The following ZDHHC17 variants were observed in gnomAD, a reference collection of about 807,000 sequenced individuals.
ZDHHC17 encodes palmitoyltransferase ZDHHC17.
Under a neutral mutation model 90.3 loss-of-function variants are expected in ZDHHC17, and 40 were observed. The ratio of observed to expected loss-of-function variants is 0.44; its 90% CI spans 0.34 to 0.58. ZDHHC17 has a LOEUF of 0.58. Among genes scored for constraint, ZDHHC17 ranks in the 20% least tolerant of loss-of-function variants. ZDHHC17 has a pLI of 0.01. For missense variants in ZDHHC17, 614 were observed against 780.8 expected (o/e 0.79, Z 2.55); for synonymous variants, 235 against 252.4 (o/e 0.93, Z 0.65).
chr12:76,832,085 C>T (rs993042883), intron 10 of ZDHHC17, among the ~76,000 whole-genome samples: 3 of 152,282 alleles, frequency 2.0e-5, no homozygotes, highest in Non-Finnish European at 2.9e-5. Context: ...AGGCCCTCTA[C>T]GATTTTGGAA....
chr12:76,788,688 A>ATTTTTTTTT lies in ZDHHC17; in HGVS notation c.94-8728_94-8720dup, dbSNP rs763269507. Among the ~76,000 whole-genome samples, 22 of 98,648 alleles carry ATTTTTTTTT rather than the reference A, an allele frequency of 2.2e-4. 4 individuals are homozygous for ATTTTTTTTT. The highest frequency in any genetic ancestry group is 4.4e-4 in the African/African-American group (11 of 25,098). The allele number at this position is 98,648 out of a possible 152,430, so 64.7% of individuals were successfully genotyped here. ...AAAATATATTTAAGTTGGAATCGCA[A>ATTTTTTTTT]TTTTTTTTTTTTTTTTTTTTTTTTT... On this transcript the variant is annotated intron_variant, in intron 1 of 16. Coordinates refer to ENST00000426126, the MANE Select transcript of ZDHHC17 (RefSeq NM_015336.4).
chr12:76,783,990 G>GA (rs1952657326), intron 1 of ZDHHC17, among the ~76,000 whole-genome samples: 1 of 152,208 alleles, frequency 6.6e-6, no homozygotes, highest in Non-Finnish European at 1.5e-5. Context: ...TGGCCCTACT[G>GA]ACATTTTGAC....
At chr12:76,830,552 T>C (rs889474459) in intron 10 of ZDHHC17, among the ~76,000 whole-genome samples, 1 of 152,218 alleles carries the variant, frequency 6.6e-6, no homozygotes, top group African/African-American at 2.4e-5. Context: ...AAGGATTTAT[T>C]AAGCATTAGA....
chr12:76,797,476 C>A lies in ZDHHC17; in HGVS notation c.136C>A (p.Pro46Thr). The stretch of plus-strand genomic sequence containing the variant: ...CCATTATAACCATGGATATGGTGAA[C>A]CTCTTGGACGGAAAACTCATATTGA... ...QSHYNHGYGEPLGRKTHIDDY... is the reference protein window; with the variant it reads ...QSHYNHGYGETLGRKTHIDDY... The change falls in exon 2 of 17, where the codon CCT (proline) becomes ACT (threonine). Residue 46 changes from proline to threonine, a missense_variant. Transcript: ENST00000426126. 1 of 1,610,216 alleles carries A rather than the reference C, an allele frequency of 6.2e-7. No individual in the cohort carries two copies. Among genetic ancestry groups the A allele is most frequent in the South Asian group, 1.1e-5 (1 of 90,202 alleles).
intron 1 of ZDHHC17, among the ~76,000 whole-genome samples, chr12:76,775,839 ACCTC>A (rs545266590): frequency 2.0e-4 from 30 of 152,162 alleles, no homozygotes; most frequent in African/African-American, 6.3e-4. Context: ...CTAGAATTTT[ACCTC>A]CCTATGTTCT....
chr12:76,776,574 C>T (rs1952563349), intron 1 of ZDHHC17, among the ~76,000 whole-genome samples: 1 of 152,076 alleles, frequency 6.6e-6, no homozygotes, highest in Non-Finnish European at 1.5e-5. Context: ...TGTATTTTAG[C>T]ACATAACGAT....
intron 13 of ZDHHC17, 25 bp from the exon 14 acceptor site, chr12:76,846,571 A>C (rs1476505197): frequency 1.9e-6 from 3 of 1,596,584 alleles, no homozygotes; most frequent in Non-Finnish European, 1.7e-6. Context: ...TAGCTGAAAA[A>C]CCTTGCTTCT....
At chr12:76,846,539 G>T in intron 13 of ZDHHC17, 57 bp from the exon 14 acceptor site, 1 of 1,308,072 alleles carries the variant, frequency 7.6e-7, no homozygotes, top group Non-Finnish European at 1.1e-6. Context: ...CCTCAAAGGT[G>T]CATTACCCGT....
rs191440855 is a variant in ZDHHC17 at position 76,805,059 on chromosome 12, T to G, written c.198-258T>G. ...GATAAGTGGTAATAAAGCAACTGAT[T>G]GAAATTTTATTTCTGGTATACTTTT... On this transcript the variant is annotated intron_variant, in intron 2 of 16. Coordinates refer to ENST00000426126, the MANE Select transcript of ZDHHC17 (RefSeq NM_015336.4). 6.4e-4 allele frequency among the ~76,000 whole-genome samples: 98 copies of G among 152,322 alleles called. 1 individual carries two copies. The highest frequency in any genetic ancestry group is 2.0e-3 in the African/African-American group (85 of 41,588).
At chr12:76,785,845 A>G (rs907318562) in intron 1 of ZDHHC17, among the ~76,000 whole-genome samples, 2 of 152,186 alleles carry the variant, frequency 1.3e-5, no homozygotes, top group East Asian at 3.8e-4. Flanking sequence ...AATGGTGGAT[A>G]CTAAAGCTGG....
intron 10 of ZDHHC17, among the ~76,000 whole-genome samples, chr12:76,831,847 T>C (rs1260001440): frequency 6.6e-6 from 1 of 152,100 alleles, no homozygotes; most frequent in Non-Finnish European, 1.5e-5. Flanking sequence ...AGTTTTGCCA[T>C]GTTGCCCAGG....
chr12:76,784,056 T>C (rs868012636), intron 1 of ZDHHC17, among the ~76,000 whole-genome samples: 6 of 152,244 alleles, frequency 3.9e-5, no homozygotes, highest in Admixed American at 1.3e-4. Context: ...GATAATGAAT[T>C]TGTGTTGTTT....
At chr12:76,846,833 C>T (rs145614846) in intron 14 of ZDHHC17, among the ~76,000 whole-genome samples, 154 bp downstream of exon 14, 2 of 152,320 alleles carry the variant, frequency 1.3e-5, no homozygotes, top group East Asian at 1.9e-4. Flanking sequence ...AAAGATACAG[C>T]TCTATCAATT....
intron 2 of ZDHHC17, among the ~76,000 whole-genome samples, chr12:76,803,928 C>T (rs190957147): frequency 3.2e-4 from 49 of 152,144 alleles, no homozygotes; most frequent in Admixed American, 1.6e-3. Flanking sequence ...TGCCATCAGC[C>T]GAATGGCCTG....
chr12:76,809,112 G>T lies in ZDHHC17; in HGVS notation c.390G>T (p.Trp130Cys). ...ACCTGAATTCAACTCCATTGCACTG[G>T]GCCACAAGGTTTAAATTTGCTTCTG... ...GGDLNSTPLH[W>C]ATRQGHLSMV... The change falls in exon 4 of 17, where the codon TGG becomes TGT. Residue 130 changes from tryptophan (W) to cysteine (C), a missense_variant. Transcript: ENST00000426126. The T allele has an allele frequency of 6.5e-7, 1 of 1,542,904 alleles. No individual in the cohort carries two copies. Among genetic ancestry groups the T allele is most frequent in the Admixed American group, 2.0e-5 (1 of 50,850 alleles).
At chr12:76,843,786 G>A (rs1280111343) in intron 12 of ZDHHC17, 1 of 152,038 alleles carries the variant, frequency 6.6e-6, no homozygotes, top group African/African-American at 2.4e-5. Context: ...CTGCAAGTGA[G>A]CTCATGTCTT....
At chr12:76,828,159 T>C (rs560984974) in intron 9 of ZDHHC17, among the ~76,000 whole-genome samples, 1 of 152,228 alleles carries the variant, frequency 6.6e-6, no homozygotes, top group Non-Finnish European at 1.5e-5. Flanking sequence ...GAAAAGTATA[T>C]GGAATGTAAT....
At chr12:76,823,927 T>A (rs1953196643) in intron 8 of ZDHHC17, among the ~76,000 whole-genome samples, 1 of 152,182 alleles carries the variant, frequency 6.6e-6, no homozygotes, top group Non-Finnish European at 1.5e-5. Context: ...TGTTGCTCAG[T>A]TTTCTAGGAT....
intron 10 of ZDHHC17, among the ~76,000 whole-genome samples, chr12:76,830,332 A>G (rs1273941240): frequency 6.6e-6 from 1 of 152,228 alleles, no homozygotes; most frequent in African/African-American, 2.4e-5. Flanking sequence ...TTGAAACACA[A>G]AATGTGCTTA....
Sources: gnomAD v4.1 joint callset for allele counts (sites outside exome capture counted in the v4.1 genomes callset) on GRCh38, gnomAD v4.1.1 for gene constraint, MANE v1.5 for transcripts, NCBI Gene and HGNC (gene_info 2026-07-23, HGNC 2026-07-21) for gene names.